MEI4: variants seen among roughly 807,000 people sequenced by gnomAD.
MEI4 encodes the protein meiosis-specific protein MEI4.
A neutral mutation model predicts 31.4 loss-of-function variants in MEI4; 27 were observed. That is an observed-to-expected ratio of 0.86 (90% CI 0.63 to 1.19). The LOEUF is 1.19. Among genes scored for constraint, MEI4 ranks in the 50% most tolerant of loss-of-function variants. MEI4 has a pLI of 0.00. For synonymous variants in MEI4, 122 were observed against 145.4 expected, an observed-to-expected ratio of 0.84 and a Z score of 1.16; for missense variants, 329 against 398.9, an observed-to-expected ratio of 0.82 and a Z score of 1.49.
chr6:77,695,919 T>C (rs1766023285), intron 2 of MEI4, among the ~76,000 whole-genome samples: 1 of 152,224 alleles, frequency 6.6e-6, no homozygotes, highest in Non-Finnish European at 1.5e-5. Flanking sequence ...TTCTATTTGT[T>C]TGTGTCCTCT....
At chr6:77,755,690 T>G (rs1299032631) in intron 2 of MEI4, among the ~76,000 whole-genome samples, 1 of 151,928 alleles carries the variant, frequency 6.6e-6, no homozygotes, top group Non-Finnish European at 1.5e-5. Context: ...TGCTGGGTGT[T>G]TATTATAATG....
intron 3 of MEI4, among the ~76,000 whole-genome samples, chr6:77,783,317 A>G (rs1460322825): frequency 2.6e-5 from 4 of 152,176 alleles, no homozygotes; most frequent in Non-Finnish European, 4.4e-5. Context: ...ACAAATGGCA[A>G]AATAACTTAA....
chr6:77,905,720 T>A (rs1344541697), intron 4 of MEI4, among the ~76,000 whole-genome samples: 1 of 151,330 alleles, frequency 6.6e-6, no homozygotes, highest in African/African-American at 2.4e-5. Flanking sequence ...ATGGTCTTGA[T>A]CTCCTGACCT....
intron 2 of MEI4, among the ~76,000 whole-genome samples, chr6:77,694,204 A>C (rs1029209853): frequency 6.6e-5 from 10 of 151,932 alleles, no homozygotes; most frequent in African/African-American, 2.2e-4. Flanking sequence ...TTGAAATTCA[A>C]ATGTAACTGG....
At chr6:77,736,521 T>C (rs1222018923) in intron 2 of MEI4, among the ~76,000 whole-genome samples, 1 of 152,016 alleles carries the variant, frequency 6.6e-6, no homozygotes. Flanking sequence ...CACACTGACC[T>C]GCGCCCACTG....
rs537082335 is a variant in MEI4, at chr6:77,675,352, A to G, written c.-14-15306A>G. Among the ~76,000 whole-genome samples the G allele has an allele frequency of 5.9e-5, 9 of 152,222 alleles. 1 individual carries two copies. Among genetic ancestry groups the G allele is most frequent in the East Asian group, 5.8e-4 (3 of 5,180 alleles). ...TCTTTACTTTTTCGTGATGTCTTCAATGAACACAAGTTTTAAATTTTAATG... is the reference window on the plus strand; with the variant it reads ...TCTTTACTTTTTCGTGATGTCTTCAGTGAACACAAGTTTTAAATTTTAATG... On this transcript the variant is annotated intron_variant, in intron 1 of 4. Coordinates refer to ENST00000684080, the MANE Select transcript of MEI4 (RefSeq NM_001322247.2).
At chr6:77,768,390 T>C (rs1271723207) in intron 3 of MEI4, among the ~76,000 whole-genome samples, 1 of 152,150 alleles carries the variant, frequency 6.6e-6, no homozygotes, top group African/African-American at 2.4e-5. Flanking sequence ...TGCTGAATTA[T>C]ATTATGTGTA....
At chr6:77,892,175 G>A (rs565176401) in intron 4 of MEI4, among the ~76,000 whole-genome samples, 2 of 152,234 alleles carry the variant, frequency 1.3e-5, no homozygotes, top group Non-Finnish European at 2.9e-5. Context: ...AGTGGGTGTG[G>A]TGGTGGTGGT....
intron 2 of MEI4, among the ~76,000 whole-genome samples, chr6:77,729,963 A>G (rs1440015516): frequency 1.3e-5 from 2 of 152,044 alleles, no homozygotes; most frequent in African/African-American, 2.4e-5. Context: ...ACTCAGTCTA[A>G]AGGTAACATC....
chr6:77,679,690 G>T (rs1471875174), intron 1 of MEI4, among the ~76,000 whole-genome samples: 4 of 152,114 alleles, frequency 2.6e-5, no homozygotes, highest in African/African-American at 9.6e-5. Context: ...TCTGTTTTGT[G>T]TGTCCTCCCC....
chr6:77,855,555 G>A (rs1277745766), intron 4 of MEI4, among the ~76,000 whole-genome samples: 3 of 152,112 alleles, frequency 2.0e-5, no homozygotes, highest in African/African-American at 7.2e-5. Context: ...TCCATGCTTT[G>A]CTAATGGGAT....
intron 3 of MEI4, among the ~76,000 whole-genome samples, chr6:77,797,728 T>A (rs536245391): frequency 6.6e-6 from 1 of 152,246 alleles, no homozygotes; most frequent in Admixed American, 6.5e-5. Flanking sequence ...CAAGCCAGCT[T>A]ATCCCATCTT....
At chr6:77,778,999 C>T (rs972385057) in intron 3 of MEI4, among the ~76,000 whole-genome samples, 3 of 151,926 alleles carry the variant, frequency 2.0e-5, no homozygotes, top group Non-Finnish European at 4.4e-5. Flanking sequence ...AAATCAGTGG[C>T]GTTATCAATA....
At chr6:77,722,354 G>A (rs1473739660) in intron 2 of MEI4, among the ~76,000 whole-genome samples, 7 of 149,734 alleles carry the variant, frequency 4.7e-5, no homozygotes, top group African/African-American at 1.7e-4. Flanking sequence ...TAAATGTAAA[G>A]CCTCCAGTTT....
chr6:77,893,799 G>A (rs1253731730), intron 4 of MEI4, among the ~76,000 whole-genome samples: 3 of 152,004 alleles, frequency 2.0e-5, no homozygotes, highest in Admixed American at 1.3e-4. Context: ...CAGATAAATT[G>A]CCCCAGCTGT....
chr6:77,721,456 G>A (rs1421979297), intron 2 of MEI4, among the ~76,000 whole-genome samples: 7 of 127,274 alleles, frequency 5.5e-5, no homozygotes, highest in African/African-American at 9.1e-5. Flanking sequence ...AATGATGCCT[G>A]TTGGAGAATG....
chr6:77,792,075 A>T (rs755507727), intron 3 of MEI4, among the ~76,000 whole-genome samples: 1 of 152,120 alleles, frequency 6.6e-6, no homozygotes, highest in Non-Finnish European at 1.5e-5. Flanking sequence ...TATTTCACCT[A>T]ATGTAATGTC....
chr6:77,819,155 G>A (rs1010490037), intron 3 of MEI4, among the ~76,000 whole-genome samples: 3 of 151,888 alleles, frequency 2.0e-5, no homozygotes, highest in African/African-American at 7.3e-5. Flanking sequence ...ATTTTAATTT[G>A]GTTATTTTGG....
chr6:77,668,013 C>A (rs1768670500), intron 1 of MEI4, among the ~76,000 whole-genome samples: 1 of 151,124 alleles, frequency 6.6e-6, no homozygotes, highest in African/African-American at 2.4e-5. Flanking sequence ...TGAATCACCA[C>A]CGAGACCTGA....
Sources: allele counts gnomAD v4.1 joint callset (sites outside exome capture counted in the v4.1 genomes callset), GRCh38; gene constraint gnomAD v4.1.1; transcripts MANE v1.5; gene names NCBI Gene and HGNC (gene_info 2026-07-23, HGNC 2026-07-21).